CACNA1B: variants seen among roughly 807,000 people sequenced by gnomAD.
CACNA1B encodes the protein voltage-dependent N-type calcium channel subunit alpha-1B.
A neutral mutation model predicts 247.2 loss-of-function variants in CACNA1B; 70 were observed. That is an observed-to-expected ratio of 0.28 (90% CI 0.23 to 0.35). The LOEUF (loss-of-function observed/expected upper bound fraction) is 0.35. Among genes scored for constraint, CACNA1B ranks in the 10% least tolerant of loss-of-function variants. CACNA1B has a pLI of 1.00. For synonymous variants in CACNA1B, 1,231 were observed against 1,294.4 expected, an observed-to-expected ratio of 0.95 and a Z score of 1.05; for missense variants, 2,367 against 3,197.4, an observed-to-expected ratio of 0.74 and a Z score of 6.26.
At position 138,120,246 on chromosome 9, in the gene CACNA1B, AC is replaced by A; in HGVS notation, c.6116del (p.Pro2039ArgfsTer130). 1 of 1,602,858 alleles carries A rather than the reference AC, an allele frequency of 6.2e-7. No homozygotes were observed. On this transcript the variant is annotated frameshift_variant, in exon 45 of 47. Transcript: ENST00000371372. LOFTEE classifies it high-confidence loss of function. ...RPRGTHLCST[T>X]PDRPPPSQAS... ...CCGTGGGACTCATCTTTGCAGCACC[AC>A]CCCGGACCGCCCACCCCCTAGCCAG...
At chr9:138,119,661 A>G (rs1419177132) in intron 44 of CACNA1B, among the ~76,000 whole-genome samples, 1 of 151,726 alleles carries the variant, frequency 6.6e-6, no homozygotes, top group Non-Finnish European at 1.5e-5. Context: ...GCCCAGTGGT[A>G]CCCTCCTGGG....
intron 31 of CACNA1B, among the ~76,000 whole-genome samples, chr9:138,068,268 G>C (rs183433845): frequency 6.6e-6 from 1 of 152,346 alleles, no homozygotes; most frequent in African/African-American, 2.4e-5. Flanking sequence ...GGAGACCCGA[G>C]ACGGCTTCGG....
intron 45 of CACNA1B, 76 bp from the exon 46 acceptor site, chr9:138,120,555 C>T (rs1962050184): frequency 1.2e-5 from 17 of 1,441,660 alleles, no homozygotes; most frequent in Non-Finnish European, 1.0e-5. Flanking sequence ...CACCTGAATT[C>T]TGTCCTGCTG....
chr9:138,113,799 G>GC (rs1961751801), intron 40 of CACNA1B, among the ~76,000 whole-genome samples: 3 of 142,350 alleles, frequency 2.1e-5, no homozygotes, highest in Admixed American at 6.9e-5. Flanking sequence ...ACTCCATCTT[G>GC]TGGGAGACGT....
intron 6 of CACNA1B, among the ~76,000 whole-genome samples, chr9:137,926,317 C>T (rs1957551350): frequency 6.6e-6 from 1 of 152,170 alleles, no homozygotes; most frequent in Admixed American, 6.5e-5. Context: ...ATCCACCTGC[C>T]TCAGCCTCCC....
intron 15 of CACNA1B, among the ~76,000 whole-genome samples, chr9:138,002,845 G>A (rs1464605357): frequency 6.6e-6 from 1 of 151,504 alleles, no homozygotes; most frequent in African/African-American, 2.4e-5. Flanking sequence ...CTGTTGCCCA[G>A]GCTGGAGTGC....
In CACNA1B at chr9:137,955,495, C is replaced by T. The variant is rs1957935720; in HGVS notation, c.1071-203C>T. Among the ~76,000 whole-genome samples, 9 of 152,310 alleles carry T rather than the reference C, an allele frequency of 5.9e-5. No homozygotes were observed. In the South Asian group the frequency reaches 1.9e-3, roughly 32 times the overall value. On this transcript the variant is annotated intron_variant, in intron 7 of 46. Transcript: ENST00000371372. This position sits in a 1 kb window ranked among gnomAD's most constrained non-coding sequence, Gnocchi z 6.9. ...CTGCTCATGGAGGCCCTCTGGGTGC[C>T]CAGGGAGCTGTCTGGTGCTCTGGAG...
Position 137,960,606 on chromosome 9 carries a change from G to A in CACNA1B, c.1333+2919G>A, listed in dbSNP as rs77698229. 3.1e-3 allele frequency among the ~76,000 whole-genome samples: 469 copies of A among 152,088 alleles called. 2 individuals are homozygous for A. The highest frequency in any genetic ancestry group is 5.3e-3 in the Non-Finnish European group (361 of 67,942). ...TGGGAAAGGACATTCCAGGCAACGAGTGCCAAGACCCTGAGGCAAGGCTGT... is the reference window on the plus strand; with the variant it reads ...TGGGAAAGGACATTCCAGGCAACGAATGCCAAGACCCTGAGGCAAGGCTGT... On this transcript the variant is annotated intron_variant, in intron 10 of 46. Coordinates refer to ENST00000371372, the MANE Select transcript of CACNA1B (RefSeq NM_000718.4).
intron 18 of CACNA1B, 131 bp from the exon 19 acceptor site, chr9:138,022,880 T>G: frequency 8.3e-7 from 1 of 1,205,558 alleles, no homozygotes; most frequent in Non-Finnish European, 1.1e-6. Flanking sequence ...CCGAGGGGTG[T>G]GGGGGCTCCC....
In CACNA1B at chr9:138,058,551, T is replaced by C; in HGVS notation, c.4309-18T>C. The C allele has an allele frequency of 6.3e-7, 1 of 1,598,256 alleles. No homozygotes were observed. Among genetic ancestry groups the C allele is most frequent in the Non-Finnish European group, 8.5e-7 (1 of 1,173,516 alleles). On this transcript the variant is annotated intron_variant, in intron 28 of 46. Coordinates refer to ENST00000371372, the MANE Select transcript of CACNA1B (RefSeq NM_000718.4). The surrounding 1 kb of genome is among the most constrained non-coding windows in gnomAD (Gnocchi z 4.7). ...GTTTTCTGCTTCTGAGTCTCTGTGC[T>C]CCTTTCTCCCCTTACAGAGGGCTTG...
Position 138,054,227 on chromosome 9 carries a change from C to T in CACNA1B, c.3968+221C>T, listed in dbSNP as rs151058642. Among the ~76,000 whole-genome samples, 1 of 152,328 alleles carries T rather than the reference C, an allele frequency of 6.6e-6. No homozygotes were observed. Among genetic ancestry groups the T allele is most frequent in the East Asian group, 1.9e-4 (1 of 5,184 alleles). The stretch of plus-strand genomic sequence containing the variant: ...CCTCCCCAGCACCACACCAGGGACC[C>T]CCAGCACTTCCTCCTCAGCAGAGTC... On this transcript the variant is annotated intron_variant, in intron 26 of 46. Coordinates refer to ENST00000371372, the MANE Select transcript of CACNA1B (RefSeq NM_000718.4). The surrounding 1 kb of genome is among the most constrained non-coding windows in gnomAD (Gnocchi z 4.6).
At chr9:137,972,958 A>G (rs561460022) in intron 11 of CACNA1B, among the ~76,000 whole-genome samples, 262 of 152,238 alleles carry the variant, frequency 1.7e-3, no homozygotes, top group African/African-American at 6.1e-3. Flanking sequence ...GCCTGAGTTC[A>G]GTGTCTCTCT....
At chr9:138,049,455 C>T in intron 24 of CACNA1B, 140 bp downstream of exon 24, 1 of 679,136 alleles carries the variant, frequency 1.5e-6, no homozygotes, top group Non-Finnish European at 2.7e-6. Context: ...GTGGGACTGT[C>T]CCTGCCTGCT....
chr9:138,027,584 G>A (rs376760545), intron 20 of CACNA1B, among the ~76,000 whole-genome samples: 16 of 152,064 alleles, frequency 1.1e-4, no homozygotes, highest in East Asian at 5.8e-4. Context: ...GTGTGTGTGT[G>A]TCTGTTTGTG....
intron 6 of CACNA1B, among the ~76,000 whole-genome samples, chr9:137,948,310 C>T (rs1382861442): frequency 6.6e-6 from 1 of 152,138 alleles, no homozygotes; most frequent in Non-Finnish European, 1.5e-5. Flanking sequence ...CAGCTTTGTC[C>T]TTTTTCACCT....
intron 36 of CACNA1B, among the ~76,000 whole-genome samples, chr9:138,096,203 G>A (rs1358891627): frequency 2.0e-5 from 3 of 152,126 alleles, no homozygotes; most frequent in Admixed American, 1.3e-4. Flanking sequence ...CAGTCTGAGA[G>A]GGAAAGACAA....
intron 37 of CACNA1B, among the ~76,000 whole-genome samples, chr9:138,101,767 C>G (rs1175861766): frequency 6.6e-6 from 1 of 152,234 alleles, no homozygotes; most frequent in East Asian, 1.9e-4. Context: ...GGGCAAGGCC[C>G]CAGGGCAGAT....
chr9:137,892,111 C>G (rs1451946906), intron 3 of CACNA1B: 4 of 457,048 alleles, frequency 8.8e-6, no homozygotes, highest in Non-Finnish European at 1.3e-5. Context: ...GAGAAGTTTC[C>G]CTGCTGGCTC....
At chr9:137,878,365 C>G (rs936256727) in intron 1 of CACNA1B, 148 bp downstream of exon 1, 1 of 675,028 alleles carries the variant, frequency 1.5e-6, no homozygotes, top group Non-Finnish European at 2.1e-6. Flanking sequence ...CAGGGCCCCT[C>G]GGAGCGGCGG....
Sources: gnomAD v4.1 joint callset for allele counts (sites outside exome capture counted in the v4.1 genomes callset) on GRCh38, gnomAD v4.1.1 for gene constraint, Gnocchi (gnomAD v3.1) non-coding constraint, MANE v1.5 for transcripts, NCBI Gene and HGNC (gene_info 2026-07-23, HGNC 2026-07-21) for gene names.